PAK5: variants seen among roughly 807,000 people sequenced by gnomAD.
PAK5 encodes serine/threonine-protein kinase PAK 5.
Under a neutral mutation model 65.9 loss-of-function variants are expected in PAK5, and 16 were observed. The observed-to-expected ratio is 0.24, with a 90% CI of 0.16 to 0.37. The LOEUF (loss-of-function observed/expected upper bound fraction) is 0.37, where lower values mean the gene tolerates loss of function less well. Ranked by LOEUF, PAK5 falls within the 10% of genes least tolerant of loss-of-function variation. The pLI is 1.00. For missense variants in PAK5, 785 were observed against 903.9 expected, an observed-to-expected ratio of 0.87 and a Z score of 1.69; for synonymous variants, 371 against 354.9, an observed-to-expected ratio of 1.05 and a Z score of -0.51.
intron 3 of PAK5, among the ~76,000 whole-genome samples, chr20:9,624,739 G>A (rs2046819574): frequency 6.6e-6 from 1 of 151,836 alleles, no homozygotes; most frequent in Non-Finnish European, 1.5e-5. Flanking sequence ...GTGACTGTTG[G>A]TGAGTCCTTT....
At chr20:9,568,768 G>C (rs1052063050) in intron 4 of PAK5, among the ~76,000 whole-genome samples, 1 of 152,158 alleles carries the variant, frequency 6.6e-6, no homozygotes, top group Non-Finnish European at 1.5e-5. Context: ...GGAGCTCAAG[G>C]CTGCAGTGAG....
chr20:9,561,375 T>C (rs1012353829), intron 6 of PAK5, among the ~76,000 whole-genome samples: 19 of 152,232 alleles, frequency 1.2e-4, no homozygotes, highest in African/African-American at 4.6e-4. Flanking sequence ...TTTTTTGCTT[T>C]ATATGTGAAA....
chr20:9,724,235 C>A (rs2048250485), intron 1 of PAK5, among the ~76,000 whole-genome samples: 1 of 152,062 alleles, frequency 6.6e-6, no homozygotes, highest in Admixed American at 6.6e-5. Flanking sequence ...GTTTTTAGTA[C>A]CAAAGTATGA....
intron 7 of PAK5, among the ~76,000 whole-genome samples, chr20:9,545,373 A>G (rs759687738): frequency 5.9e-5 from 9 of 152,180 alleles, no homozygotes; most frequent in Non-Finnish European, 1.3e-4. Context: ...AGTCATGATG[A>G]CCTGGTCTGA....
At chr20:9,807,175 C>T (rs1048909998) in intron 1 of PAK5, among the ~76,000 whole-genome samples, 4 of 152,132 alleles carry the variant, frequency 2.6e-5, no homozygotes, top group African/African-American at 9.7e-5. Context: ...ATCTGCAAAT[C>T]CTTTTTGTCA....
chr20:9,764,288 C>A (rs1427829416), intron 1 of PAK5, among the ~76,000 whole-genome samples: 1 of 152,124 alleles, frequency 6.6e-6, no homozygotes, highest in African/African-American at 2.4e-5. Flanking sequence ...AGATTATGTT[C>A]ATAGTTAACA....
At chr20:9,755,519 A>G (rs2048623845) in intron 1 of PAK5, among the ~76,000 whole-genome samples, 1 of 152,192 alleles carries the variant, frequency 6.6e-6, no homozygotes, top group Non-Finnish European at 1.5e-5. Context: ...AGGTCTGTAA[A>G]GTTTATGCCA....
chr20:9,563,060 G>T, intron 5 of PAK5, 36 bp from the exon 6 acceptor site: 1 of 1,605,016 alleles, frequency 6.2e-7, no homozygotes. Context: ...GACTTGTGAA[G>T]ATGAAGTTGC....
chr20:9,690,229 G>A (rs1203276780), intron 2 of PAK5, among the ~76,000 whole-genome samples: 2 of 152,158 alleles, frequency 1.3e-5, no homozygotes, highest in Non-Finnish European at 2.9e-5. Context: ...GGCTGACAGC[G>A]ACACACCATC....
intron 7 of PAK5, among the ~76,000 whole-genome samples, chr20:9,553,892 G>A (rs1317969522): frequency 3.9e-5 from 6 of 152,130 alleles, no homozygotes; most frequent in African/African-American, 1.4e-4. Context: ...TGGTCGTATG[G>A]TAAGTCCATT....
At chr20:9,751,885 T>G (rs2048581171) in intron 1 of PAK5, among the ~76,000 whole-genome samples, 1 of 152,210 alleles carries the variant, frequency 6.6e-6, no homozygotes, top group Admixed American at 6.5e-5. Context: ...GAGTCTGCTC[T>G]GTAAGACATC....
At chr20:9,647,195 G>A (rs1167388916) in intron 2 of PAK5, among the ~76,000 whole-genome samples, 1 of 152,188 alleles carries the variant, frequency 6.6e-6, no homozygotes, top group African/African-American at 2.4e-5. Context: ...ACTCAAAGGA[G>A]TTTTGATTGT....
At chr20:9,764,533 C>T (rs1451525642) in intron 1 of PAK5, among the ~76,000 whole-genome samples, 2 of 152,122 alleles carry the variant, frequency 1.3e-5, no homozygotes, top group Non-Finnish European at 1.5e-5. Flanking sequence ...CCCTTTAGCC[C>T]AGTGGTTTTA....
At chr20:9,831,287 A>T (rs1440901802) in intron 1 of PAK5, among the ~76,000 whole-genome samples, 3 of 152,208 alleles carry the variant, frequency 2.0e-5, no homozygotes, top group Non-Finnish European at 4.4e-5. Context: ...TTAGCTACCT[A>T]ATATCCTTCT....
chr20:9,625,618 A>C (rs919395055), intron 3 of PAK5, among the ~76,000 whole-genome samples: 1 of 152,022 alleles, frequency 6.6e-6, no homozygotes, highest in Non-Finnish European at 1.5e-5. Flanking sequence ...CTCAGGCTAG[A>C]GTACAGTGGC....
At chr20:9,599,495 G>A (rs77225741) in intron 3 of PAK5, among the ~76,000 whole-genome samples, 2 of 152,256 alleles carry the variant, frequency 1.3e-5, no homozygotes, top group South Asian at 2.1e-4. Context: ...CAATGTCTCC[G>A]CATCCTTGAA....
At chr20:9,685,722 T>G (rs1175094907) in intron 2 of PAK5, among the ~76,000 whole-genome samples, 1 of 152,202 alleles carries the variant, frequency 6.6e-6, no homozygotes, top group Non-Finnish European at 1.5e-5. Context: ...TCTGTATAAT[T>G]GGGATGTTCT....
At chr20:9,620,105 G>A (rs2046742810) in intron 3 of PAK5, among the ~76,000 whole-genome samples, 1 of 152,226 alleles carries the variant, frequency 6.6e-6, no homozygotes, top group Non-Finnish European at 1.5e-5. Context: ...GGTACAGAAA[G>A]TGAGGGCAGA....
intron 3 of PAK5, among the ~76,000 whole-genome samples, chr20:9,613,459 T>C (rs1039387849): frequency 6.6e-6 from 1 of 152,144 alleles, no homozygotes; most frequent in Non-Finnish European, 1.5e-5. Context: ...AGTTAAAATC[T>C]CCAGGAGGGC....
Sources: gnomAD v4.1 joint callset for allele counts (sites outside exome capture counted in the v4.1 genomes callset) on GRCh38, gnomAD v4.1.1 for gene constraint, MANE v1.5 for transcripts, NCBI Gene and HGNC (gene_info 2026-07-23, HGNC 2026-07-21) for gene names.